Variants in ARHGAP12 observed in about 807,000 individuals in gnomAD.
ARHGAP12 encodes the protein rho GTPase-activating protein 12.
A neutral mutation model predicts 108.6 loss-of-function variants in ARHGAP12; 64 were observed. The ratio of observed to expected loss-of-function variants is 0.59; its 90% confidence interval spans 0.48 to 0.73. ARHGAP12 has a LOEUF of 0.73. ARHGAP12 is among the 30% of genes least tolerant of loss of function. ARHGAP12 has a pLI of 0.00. For synonymous variants in ARHGAP12, 312 were observed against 337.2 expected (o/e 0.93, Z 0.82); for missense variants, 940 against 1,005.9 (o/e 0.93, Z 0.89).
At position 31,852,617 on chromosome 10, in the gene ARHGAP12, G is replaced by T; in HGVS notation, c.1090-20C>A. On this transcript the variant is annotated intron_variant, in intron 5 of 19. Transcript: ENST00000344936. ...GAGCCACTATAAAAACAGAACAGGTGTTTTTTATTAAATTTAAATAAAAGT... is the reference window on the plus strand; with the variant it reads ...GAGCCACTATAAAAACAGAACAGGTTTTTTTTATTAAATTTAAATAAAAGT... 1 of 1,539,206 alleles carries T rather than the reference G, an allele frequency of 6.5e-7. No homozygotes were observed.
chr10:31,889,413 A>T (rs931392397), intron 3 of ARHGAP12, among the ~76,000 whole-genome samples: 1 of 152,268 alleles, frequency 6.6e-6, no homozygotes, highest in East Asian at 1.9e-4. Flanking sequence ...AAAAAAGTAC[A>T]ACACAAAACA....
At chr10:31,828,279 T>C (rs1206646967) in intron 10 of ARHGAP12, among the ~76,000 whole-genome samples, 1 of 152,036 alleles carries the variant, frequency 6.6e-6, no homozygotes, top group Admixed American at 6.6e-5. Flanking sequence ...TAGAATTTAG[T>C]TAAGTTTTGC....
At position 31,810,638 on chromosome 10, in the gene ARHGAP12, C is replaced by T. The variant is rs1226196211; in HGVS notation, c.2050+11G>A. On this transcript the variant is annotated intron_variant, in intron 16 of 19. Coordinates refer to ENST00000344936, the MANE Select transcript of ARHGAP12 (RefSeq NM_018287.7). The stretch of plus-strand genomic sequence containing the variant: ...TAATGTTAAAAAAAAAAATCAAAAT[C>T]CTTCTCTTACCATGTTCTTCAACAT... 2.0e-6 allele frequency: 3 copies of T among 1,531,580 alleles called. No homozygotes were observed. Among genetic ancestry groups the T allele is most frequent in the Non-Finnish European group, 2.6e-6 (3 of 1,141,708 alleles). 94.9% of individuals were successfully genotyped at this position (1,531,580 alleles called of 1,614,324 possible).
At chr10:31,817,517 C>T (rs971625511) in intron 13 of ARHGAP12, among the ~76,000 whole-genome samples, 1 of 152,134 alleles carries the variant, frequency 6.6e-6, no homozygotes, top group Non-Finnish European at 1.5e-5. Context: ...GCACCATTTA[C>T]CCCTTCTTTT....
intron 1 of ARHGAP12, among the ~76,000 whole-genome samples, chr10:31,925,080 G>C (rs915439540): frequency 3.3e-5 from 5 of 152,168 alleles, no homozygotes; most frequent in Admixed American, 3.3e-4. Context: ...CATCTGCAAA[G>C]TGCAGCTTAT....
intron 3 of ARHGAP12, among the ~76,000 whole-genome samples, chr10:31,862,364 G>GT (rs1564396754): frequency 6.6e-6 from 1 of 152,042 alleles, no homozygotes; most frequent in East Asian, 1.9e-4. Flanking sequence ...CATGTTTAAT[G>GT]TTTAGCTACA....
chr10:31,863,352 G>C (rs1251063474), intron 3 of ARHGAP12, among the ~76,000 whole-genome samples: 1 of 152,006 alleles, frequency 6.6e-6, no homozygotes, highest in Non-Finnish European at 1.5e-5. Context: ...AGAATATCTA[G>C]AGAATATTTA....
chr10:31,864,524 A>G (rs920857023), intron 3 of ARHGAP12, among the ~76,000 whole-genome samples: 1 of 152,224 alleles, frequency 6.6e-6, no homozygotes, highest in Non-Finnish European at 1.5e-5. Flanking sequence ...TTTGGCATAC[A>G]ATATTCAGTA....
chr10:31,905,038 T>C (rs1443904186), intron 3 of ARHGAP12, among the ~76,000 whole-genome samples: 1 of 152,084 alleles, frequency 6.6e-6, no homozygotes, highest in Non-Finnish European at 1.5e-5. Flanking sequence ...GAAAACCTCC[T>C]AAGACAGACA....
In ARHGAP12 at chr10:31,854,959, T is replaced by A. The variant is rs554780797; in HGVS notation, c.949-753A>T. Among the ~76,000 whole-genome samples, 427 of 144,736 alleles carry A rather than the reference T, an allele frequency of 3.0e-3. 3 individuals are homozygous for A. In the South Asian group the frequency reaches 0.031, roughly 10 times the overall value. 95.0% of individuals were successfully genotyped at this position (144,736 alleles called of 152,430 possible). A position where few individuals can be genotyped will look rare whatever the true frequency, so the allele number is the denominator to read the frequency against. ...GCTTGGGCAACATAGTGAGACCTCA[T>A]CTCCATTTTTATTCAAAAGAAGAAC... On this transcript the variant is annotated intron_variant, in intron 4 of 19. Transcript: ENST00000344936.
At chr10:31,880,190 G>C (rs1449332197) in intron 3 of ARHGAP12, among the ~76,000 whole-genome samples, 1 of 152,014 alleles carries the variant, frequency 6.6e-6, no homozygotes, top group Non-Finnish European at 1.5e-5. Context: ...TCTTTATTTT[G>C]TTCTTTTCGA....
intron 3 of ARHGAP12, among the ~76,000 whole-genome samples, chr10:31,867,718 G>A (rs1179990683): frequency 1.3e-5 from 2 of 151,968 alleles, no homozygotes; most frequent in African/African-American, 4.8e-5. Context: ...TTGAACAAAC[G>A]GAAGAAAATT....
At chr10:31,894,743 AACT>A (rs1427453600) in intron 3 of ARHGAP12, among the ~76,000 whole-genome samples, 10 of 152,328 alleles carry the variant, frequency 6.6e-5, no homozygotes, top group African/African-American at 2.2e-4. Flanking sequence ...AATTGGAAAA[AACT>A]ACTTTAAAGT....
At position 31,809,925 on chromosome 10, in the gene ARHGAP12, A is replaced by G. The variant is rs565584886; in HGVS notation, c.2051-618T>C. Among the ~76,000 whole-genome samples, 4 of 152,328 alleles carry G rather than the reference A, an allele frequency of 2.6e-5. No homozygotes were observed. The South Asian group carries it at 8.3e-4, about 32-fold the overall frequency. ...ATGTACAAATTTACTAAAGCACATT[A>G]TTGAATGTACTATTCATTTAGCTTC... is the stretch of plus-strand genomic sequence containing the variant. On this transcript the variant is annotated intron_variant, in intron 16 of 19. Transcript: ENST00000344936.
At position 31,820,462 on chromosome 10, in the gene ARHGAP12, C is replaced by T; in HGVS notation, c.1557G>A (p.Glu519=). The T allele has an allele frequency of 6.2e-7, 1 of 1,611,134 alleles. No homozygotes were observed. The highest frequency in any genetic ancestry group is 8.5e-7 in the Non-Finnish European group (1 of 1,178,790). The part of the protein sequence containing the change: ...SWFGSNQSKP[E]FTVDLKGATI... ...TTGCCCCCTTGAGGTCCACTGTGAA[C>T]TCTGGTTTGGACTGATTACTGCCAA... Residue 519 remains glutamate, a synonymous_variant, in exon 12 of 20, where the codon GAG becomes GAA. Transcript: ENST00000344936.
intron 3 of ARHGAP12, among the ~76,000 whole-genome samples, chr10:31,863,122 C>T (rs919134746): frequency 7.9e-5 from 12 of 152,134 alleles, no homozygotes; most frequent in African/African-American, 2.7e-4. Flanking sequence ...GGTAGTTATA[C>T]ATGTACTATA....
chr10:31,913,791 GAAGA>G (rs1428055972), intron 1 of ARHGAP12: 4 of 125,338 alleles, frequency 3.2e-5, no homozygotes, highest in African/African-American at 1.2e-4. Context: ...TTTTTTTTTT[GAAGA>G]AAGAATTGAA....
chr10:31,822,650 A>G (rs899472685), intron 11 of ARHGAP12, among the ~76,000 whole-genome samples: 1 of 152,178 alleles, frequency 6.6e-6, no homozygotes, highest in African/African-American at 2.4e-5. Flanking sequence ...CAGGCCCTTT[A>G]CGATCTTGAT....
intron 3 of ARHGAP12, among the ~76,000 whole-genome samples, chr10:31,884,110 A>AC (rs1838098075): frequency 6.6e-6 from 1 of 151,882 alleles, no homozygotes; most frequent in Non-Finnish European, 1.5e-5. Flanking sequence ...AAAAAAAAAA[A>AC]AAAGAATTTA....
Sources: allele counts gnomAD v4.1 joint callset (sites outside exome capture counted in the v4.1 genomes callset), GRCh38; gene constraint gnomAD v4.1.1; transcripts MANE v1.5; gene names NCBI Gene and HGNC (gene_info 2026-07-23, HGNC 2026-07-21).